The following TMCO4 variants were observed in gnomAD, a reference collection of about 807,000 sequenced individuals.
The protein encoded by TMCO4 is transmembrane and coiled-coil domain-containing protein 4.
Under a neutral mutation model 64.7 loss-of-function variants are expected in TMCO4, and 58 were observed. That is an observed-to-expected ratio of 0.90 (90% CI 0.73 to 1.12). The LOEUF is 1.12. Ranked by LOEUF, TMCO4 falls within the 50% of genes most tolerant of loss-of-function variation. The probability of loss-of-function intolerance (pLI) is 0.00; values close to 1 mark genes in which losing one functional copy is unlikely to be tolerated. For synonymous variants in TMCO4, 325 were observed against 346.1 expected (o/e 0.94, Z 0.68); for missense variants, 780 against 825.9 (o/e 0.94, Z 0.68).
At chr1:19,685,745 G>A (rs923766411) in intron 15 of TMCO4, among the ~76,000 whole-genome samples, 3 of 128,930 alleles carry the variant, frequency 2.3e-5, no homozygotes, top group East Asian at 2.3e-4. Flanking sequence ...ACAGAGTCTC[G>A]CTCTGTTGCC....
intron 13 of TMCO4, among the ~76,000 whole-genome samples, chr1:19,731,190 T>C (rs1309396475): frequency 1.3e-5 from 2 of 152,092 alleles, no homozygotes; most frequent in Non-Finnish European, 2.9e-5. Context: ...GCTGTGGCCA[T>C]GGGAAGGAGT....
At chr1:19,779,664 C>G (rs758410944) in intron 4 of TMCO4, among the ~76,000 whole-genome samples, 5 of 152,206 alleles carry the variant, frequency 3.3e-5, no homozygotes, top group Non-Finnish European at 5.9e-5. Context: ...CCTGGGCACC[C>G]CTACCTAGAT....
At chr1:19,777,524 T>C (rs991761588) in intron 4 of TMCO4, among the ~76,000 whole-genome samples, 1 of 152,132 alleles carries the variant, frequency 6.6e-6, no homozygotes, top group African/African-American at 2.4e-5. Context: ...AATTTTTATA[T>C]TTTTAATAGA....
intron 13 of TMCO4, among the ~76,000 whole-genome samples, chr1:19,712,022 C>A (rs12135935): frequency 0.14 from 20,616 of 152,078 alleles, 1,534 homozygotes; most frequent in Admixed American, 0.18. Context: ...GTCTCACACT[C>A]CTTGGCTCAA....
chr1:19,773,617 T>A (rs2043083018), intron 4 of TMCO4, among the ~76,000 whole-genome samples: 1 of 152,154 alleles, frequency 6.6e-6, no homozygotes, highest in Non-Finnish European at 1.5e-5. Context: ...AAGGCCTTCA[T>A]TCTTGAAGAG....
At chr1:19,791,331 AATT>A (rs1336089630) in intron 2 of TMCO4, among the ~76,000 whole-genome samples, 2 of 143,194 alleles carry the variant, frequency 1.4e-5, no homozygotes, top group African/African-American at 6.1e-5. Context: ...TTAAAATTAA[AATT>A]AAAAAAAAAA....
At chr1:19,768,588 C>A (rs913158212) in intron 6 of TMCO4, among the ~76,000 whole-genome samples, 1 of 152,204 alleles carries the variant, frequency 6.6e-6, no homozygotes, top group Admixed American at 6.5e-5. Flanking sequence ...CCCTTGGGGG[C>A]CGCCTGGCTG....
intron 14 of TMCO4, among the ~76,000 whole-genome samples, chr1:19,699,359 GT>G (rs1427369126): frequency 6.6e-6 from 1 of 151,828 alleles, no homozygotes; most frequent in Non-Finnish European, 1.5e-5. Context: ...TATTTTATAG[GT>G]GGGGACACTG....
intron 2 of TMCO4, among the ~76,000 whole-genome samples, chr1:19,796,997 T>A (rs1227030830): frequency 6.6e-6 from 1 of 152,188 alleles, no homozygotes; most frequent in Non-Finnish European, 1.5e-5. Context: ...CCCTGATACA[T>A]CCTAGGACAG....
chr1:19,700,367 C>G (rs1055087734), intron 14 of TMCO4, among the ~76,000 whole-genome samples: 6 of 152,174 alleles, frequency 3.9e-5, no homozygotes, highest in South Asian at 2.1e-4. Flanking sequence ...CTCCCTCCAC[C>G]ACCAAAGACT....
chr1:19,770,743 G>C (rs1432886877), intron 5 of TMCO4, among the ~76,000 whole-genome samples, 174 bp from the exon 6 acceptor site: 1 of 152,166 alleles, frequency 6.6e-6, no homozygotes. Context: ...AAATACATGA[G>C]GACTTCAGGT....
chr1:19,683,596 A>T, intron 15 of TMCO4, 152 bp from the exon 16 acceptor site: 1 of 783,732 alleles, frequency 1.3e-6, no homozygotes, highest in East Asian at 2.7e-5. Flanking sequence ...AGTGGCTCTC[A>T]AATCCAGAGT....
At chr1:19,761,708 G>T (rs1481822092) in intron 6 of TMCO4, among the ~76,000 whole-genome samples, 2 of 152,234 alleles carry the variant, frequency 1.3e-5, no homozygotes, top group African/African-American at 2.4e-5. Flanking sequence ...CAGGAGATCT[G>T]GGGTAGGGCT....
intron 4 of TMCO4, among the ~76,000 whole-genome samples, chr1:19,776,671 C>G (rs1215233420): frequency 6.6e-6 from 1 of 152,192 alleles, no homozygotes; most frequent in African/African-American, 2.4e-5. Flanking sequence ...TTCTCTGAAA[C>G]AGTAATTCCC....
At chr1:19,785,043 G>A (rs1364645321) in intron 3 of TMCO4, among the ~76,000 whole-genome samples, 3 of 152,058 alleles carry the variant, frequency 2.0e-5, no homozygotes, top group Non-Finnish European at 2.9e-5. Context: ...CCCCACACCG[G>A]TCTTGTTCAC....
chr1:19,741,516 T>G (rs545697523), intron 10 of TMCO4, among the ~76,000 whole-genome samples: 3 of 152,218 alleles, frequency 2.0e-5, no homozygotes, highest in East Asian at 3.9e-4. Flanking sequence ...GCCTCAATTT[T>G]CTCACTGAGG....
intron 4 of TMCO4, among the ~76,000 whole-genome samples, chr1:19,776,274 G>A (rs144864182): frequency 6.6e-5 from 10 of 152,260 alleles, no homozygotes; most frequent in Non-Finnish European, 1.2e-4. Context: ...GGAAACAACC[G>A]GCATACTGAA....
chr1:19,694,422 G>C lies in TMCO4; in HGVS notation c.1500+12C>G. 6.2e-7 allele frequency: 1 copy of C among 1,611,422 alleles called. No individual in the cohort carries two copies. The highest frequency in any genetic ancestry group is 8.5e-7 in the Non-Finnish European group (1 of 1,177,890). ...AAACGCAAAGCCCCAGGAGGAACAG[G>C]CCGACACTCACCACAGAGGTCAGGT... On this transcript the variant is annotated intron_variant, in intron 15 of 15. Transcript: ENST00000294543.
At chr1:19,742,551 G>C (rs2095484340) in intron 10 of TMCO4, among the ~76,000 whole-genome samples, 1 of 152,152 alleles carries the variant, frequency 6.6e-6, no homozygotes, top group East Asian at 1.9e-4. Flanking sequence ...CAACAACTTG[G>C]GGATCAACTG....
Sources: gnomAD v4.1 joint callset for allele counts (sites outside exome capture counted in the v4.1 genomes callset) on GRCh38, gnomAD v4.1.1 for gene constraint, MANE v1.5 for transcripts, NCBI Gene and HGNC (gene_info 2026-07-23, HGNC 2026-07-21) for gene names.